NLRP11: variants seen among roughly 807,000 people sequenced by gnomAD.
The protein encoded by NLRP11 is NACHT, LRR and PYD domains-containing protein 11.
Under a neutral mutation model 79.3 loss-of-function variants are expected in NLRP11, and 53 were observed. The observed-to-expected ratio is 0.67, with a 90% CI of 0.54 to 0.84. NLRP11 has a LOEUF of 0.84. Ranked by LOEUF, NLRP11 falls within the 40% of genes least tolerant of loss-of-function variation. The pLI is 0.00. For synonymous variants in NLRP11, 518 were observed against 462.6 expected (o/e 1.12, Z -1.54); for missense variants, 1,264 against 1,255.0 (o/e 1.01, Z -0.11).
At chr19:55,792,305 G>A (rs201101799) in exon 7 of NLRP11, 2 of 1,613,538 alleles carry the variant, frequency 1.2e-6, no homozygotes, top group Non-Finnish European at 1.7e-6. Context: ...ACTTACTGAA[G>A]CTCCTCTAAC....
At chr19:55,811,219 T>A (rs1980571214) in intron 2 of NLRP11, among the ~76,000 whole-genome samples, 3 of 152,216 alleles carry the variant, frequency 2.0e-5, no homozygotes, top group Admixed American at 2.0e-4. Flanking sequence ...AAAGGGAGTC[T>A]TATTTCTTGA....
intron 1 of NLRP11, among the ~76,000 whole-genome samples, chr19:55,818,635 T>C (rs11670808): frequency 0.19 from 28,579 of 152,070 alleles, 3,753 homozygotes; most frequent in African/African-American, 0.38. Flanking sequence ...CTCCTCTATG[T>C]TAGAATAATC....
chr19:55,793,848 G>A (rs909851112), intron 6 of NLRP11, among the ~76,000 whole-genome samples: 1 of 152,144 alleles, frequency 6.6e-6, no homozygotes, highest in East Asian at 1.9e-4. Flanking sequence ...ATATGTACAA[G>A]TAAAAGTTAA....
At chr19:55,792,053 C>A (rs1427951305) in intron 7 of NLRP11, among the ~76,000 whole-genome samples, 1 of 152,158 alleles carries the variant, frequency 6.6e-6, no homozygotes, top group Non-Finnish European at 1.5e-5. Flanking sequence ...GGGAGGGGTC[C>A]GGCCCAGGCA....
intron 1 of NLRP11, among the ~76,000 whole-genome samples, chr19:55,819,182 CACACACAG>C (rs1195880603): frequency 3.1e-4 from 39 of 127,330 alleles, no homozygotes; most frequent in African/African-American, 3.9e-4. Flanking sequence ...CACACACACA[CACACACAG>C]GTTGCCTCTT....
upstream of NLRP11, among the ~76,000 whole-genome samples, chr19:55,833,545 CAGA>C (rs919010450): frequency 2.6e-5 from 4 of 151,946 alleles, no homozygotes; most frequent in Non-Finnish European, 4.4e-5. Context: ...GCGGGCAGAT[CAGA>C]AGGTCAGAAG....
At chr19:55,831,110 TCCCCCCCAC>T (rs1212630227) in intron 1 of NLRP11, among the ~76,000 whole-genome samples, 1 of 10,008 alleles carries the variant, frequency 1.0e-4, no homozygotes, top group Non-Finnish European at 2.3e-4. Flanking sequence ...ACCCCCCCCA[TCCCCCCCAC>T]CCCCCCGCCC....
chr19:55,834,546 A>G (rs1425777041), upstream of NLRP11, among the ~76,000 whole-genome samples: 1 of 152,244 alleles, frequency 6.6e-6, no homozygotes, highest in Non-Finnish European at 1.5e-5. Context: ...ATGCTAATGT[A>G]ATTAGTGAAA....
At position 55,822,778 on chromosome 19, in the gene NLRP11, G is replaced by T. The variant is rs1442916842; in HGVS notation, c.-62-4542C>A. ...GAGGGTCCTATGCCCACGGAGTCTC[G>T]CTGATTGCTAGCACAGCAGTCTGAG... On this transcript the variant is annotated intron_variant, in intron 1 of 9. Coordinates refer to ENST00000589093, the Ensembl canonical transcript of NLRP11. 3.9e-5 allele frequency among the ~76,000 whole-genome samples: 6 copies of T among 151,926 alleles called. No homozygotes were observed. The South Asian group carries it at 1.0e-3, about 26-fold the overall frequency.
exon 10 of NLRP11, chr19:55,785,534 CACACATCAA>C: frequency 9.1e-7 from 1 of 1,095,696 alleles, no homozygotes; most frequent in Non-Finnish European, 1.3e-6. Context: ...CACACACACA[CACACATCAA>C]ATAGGAAAAT....
intron 1 of NLRP11, among the ~76,000 whole-genome samples, chr19:55,819,542 A>T (rs2122879454): frequency 6.6e-6 from 1 of 152,310 alleles, no homozygotes; most frequent in African/African-American, 2.4e-5. Flanking sequence ...CTCAGAGTTT[A>T]TGACAAAGGT....
At chr19:55,801,179 C>CAA (rs149428235) in intron 5 of NLRP11, 47,483 of 143,982 alleles carry the variant, frequency 0.33, 8,573 homozygotes, top group Non-Finnish European at 0.42. Flanking sequence ...AACTCCATCT[C>CAA]AAAAAAAAAA....
At chr19:55,798,602 C>T (rs1484099824) in intron 5 of NLRP11, among the ~76,000 whole-genome samples, 2 of 152,116 alleles carry the variant, frequency 1.3e-5, no homozygotes, top group East Asian at 3.9e-4. Context: ...TCTGCACTAA[C>T]TCCCATGACA....
intron 1 of NLRP11, among the ~76,000 whole-genome samples, chr19:55,819,043 C>T (rs1044567605): frequency 5.9e-5 from 9 of 151,838 alleles, no homozygotes; most frequent in African/African-American, 2.2e-4. Flanking sequence ...TCCCCAGGGT[C>T]AAGATGACTG....
In NLRP11 at chr19:55,820,977, A is replaced by T. The variant is rs1981639845; in HGVS notation, c.-62-2741T>A. On this transcript the variant is annotated intron_variant, in intron 1 of 9. Coordinates refer to ENST00000589093, the Ensembl canonical transcript of NLRP11. ...CTAGCATCTGGAACCTGGATGTGGA[A>T]GGCACCCCCCACCCACATTCCCAGA... 2.0e-5 allele frequency among the ~76,000 whole-genome samples: 3 copies of T among 151,570 alleles called. No individual in the cohort carries two copies. In the South Asian group the frequency reaches 6.2e-4, roughly 31 times the overall value.
intron 1 of NLRP11, among the ~76,000 whole-genome samples, chr19:55,831,321 G>A (rs1228647229): frequency 6.6e-6 from 1 of 151,618 alleles, no homozygotes; most frequent in Non-Finnish European, 1.5e-5. Flanking sequence ...CAGCACTTTG[G>A]GAGGTCAAGG....
upstream of NLRP11, among the ~76,000 whole-genome samples, chr19:55,833,606 A>G (rs375783605): frequency 3.3e-5 from 5 of 151,722 alleles, no homozygotes; most frequent in African/African-American, 1.2e-4. Flanking sequence ...CTCTACCAAA[A>G]ATATAAAAAA....
intron 2 of NLRP11, among the ~76,000 whole-genome samples, chr19:55,813,368 C>T (rs536545144): frequency 3.0e-4 from 46 of 152,166 alleles, no homozygotes; most frequent in African/African-American, 1.1e-3. Context: ...CTGTAGTTTC[C>T]TCTACCCTTT....
intron 8 of NLRP11, 83 bp downstream of exon 8, chr19:55,789,146 G>T: frequency 1.4e-6 from 2 of 1,449,212 alleles, no homozygotes; most frequent in South Asian, 2.6e-5. Flanking sequence ...CCGAGGTATT[G>T]TATTTCCCAA....
Sources: allele counts gnomAD v4.1 joint callset (sites outside exome capture counted in the v4.1 genomes callset), GRCh38; gene constraint gnomAD v4.1.1; transcripts MANE v1.5; gene names NCBI Gene and HGNC (gene_info 2026-07-23, HGNC 2026-07-21).